SYNPR: variants seen among roughly 807,000 people sequenced by gnomAD.
SYNPR encodes the protein synaptoporin.
In SYNPR, 23 loss-of-function variants were observed where a neutral mutation model predicts 32.9. The observed-to-expected ratio is 0.70, with a 90% confidence interval of 0.50 to 0.99. The LOEUF is 0.99. Among genes scored for constraint, SYNPR ranks in the 50% least tolerant of loss-of-function variants. SYNPR has a pLI of 0.00. For synonymous variants in SYNPR, 146 were observed against 135.9 expected, an observed-to-expected ratio of 1.07 and a Z score of -0.52; for missense variants, 318 against 349.3, an observed-to-expected ratio of 0.91 and a Z score of 0.71.
At chr3:63,331,013 A>G (rs1039333969) in intron 2 of SYNPR, among the ~76,000 whole-genome samples, 1 of 152,226 alleles carries the variant, frequency 6.6e-6, no homozygotes, top group African/African-American at 2.4e-5. Context: ...TTGTACAGGT[A>G]ACTGAACTCT....
intron 3 of SYNPR, among the ~76,000 whole-genome samples, chr3:63,501,098 G>A (rs1419140937): frequency 1.3e-5 from 2 of 152,130 alleles, no homozygotes; most frequent in Admixed American, 1.3e-4. Context: ...CAAGAGTGAT[G>A]AGCATTATTA....
intron 5 of SYNPR, among the ~76,000 whole-genome samples, chr3:63,613,273 G>A (rs933491976): frequency 7.3e-5 from 11 of 151,692 alleles, no homozygotes; most frequent in African/African-American, 1.2e-4. Context: ...CCCTTTTAAC[G>A]GAAAATATTC....
At chr3:63,345,106 A>G (rs921297706) in intron 2 of SYNPR, among the ~76,000 whole-genome samples, 2 of 152,242 alleles carry the variant, frequency 1.3e-5, no homozygotes, top group Non-Finnish European at 2.9e-5. Context: ...GCGACTCTTG[A>G]GCAGTAAACA....
At chr3:63,592,941 C>T (rs568484005) in intron 4 of SYNPR, among the ~76,000 whole-genome samples, 1 of 152,132 alleles carries the variant, frequency 6.6e-6, no homozygotes, top group East Asian at 1.9e-4. Flanking sequence ...CCCCTTTTTA[C>T]AGTTGGAAAC....
At chr3:63,245,536 A>G (rs1404927152) in intron 1 of SYNPR, among the ~76,000 whole-genome samples, 1 of 152,008 alleles carries the variant, frequency 6.6e-6, no homozygotes, top group East Asian at 1.9e-4. Context: ...TAAATTTTAT[A>G]AACTGCCCTA....
chr3:63,575,976 T>C (rs979117225), intron 4 of SYNPR, among the ~76,000 whole-genome samples: 2 of 152,198 alleles, frequency 1.3e-5, no homozygotes, highest in African/African-American at 4.8e-5. Flanking sequence ...GATCCAAGTG[T>C]CATTTTTTTA....
intron 2 of SYNPR, among the ~76,000 whole-genome samples, chr3:63,475,761 C>T (rs1300501836): frequency 5.9e-5 from 9 of 152,130 alleles, no homozygotes. Flanking sequence ...CCTTAGCCTT[C>T]CAGGTCTCAC....
chr3:63,207,653 T>C, the SYNPR span, among the ~76,000 whole-genome samples: 1 of 152,150 alleles, frequency 6.6e-6, no homozygotes, highest in Non-Finnish European at 1.5e-5. Context: ...AACAGAACTC[T>C]TGAAAGTCAA....
upstream of SYNPR, among the ~76,000 whole-genome samples, chr3:63,276,950 T>C (rs1393717767): frequency 1.3e-5 from 2 of 150,916 alleles, no homozygotes; most frequent in African/African-American, 4.9e-5. Context: ...CAAACCTTTT[T>C]GGCAAATCTT....
intron 2 of SYNPR, among the ~76,000 whole-genome samples, chr3:63,434,950 A>G (rs564998589): frequency 2.6e-5 from 4 of 152,232 alleles, no homozygotes; most frequent in African/African-American, 7.2e-5. Context: ...CGGCAGAAAG[A>G]GTGAATCTAC....
intron 4 of SYNPR, among the ~76,000 whole-genome samples, chr3:63,577,990 T>C (rs1374921068): frequency 1.3e-5 from 2 of 152,164 alleles, no homozygotes; most frequent in South Asian, 2.1e-4. Context: ...CTAATCACAA[T>C]GTGAACTCTT....
At chr3:63,293,636 C>G (rs991958019) in intron 2 of SYNPR, among the ~76,000 whole-genome samples, 4 of 152,158 alleles carry the variant, frequency 2.6e-5, no homozygotes, top group Non-Finnish European at 5.9e-5. Context: ...ATTAAAGTGC[C>G]AGCAAGGTTG....
rs916764641 is a variant in SYNPR at position 63,523,185 on chromosome 3, C to G, written c.210-33358C>G. Among the ~76,000 whole-genome samples, 5 of 152,252 alleles carry G rather than the reference C, an allele frequency of 3.3e-5. No individual in the cohort carries two copies. The East Asian group carries it at 9.7e-4, about 30-fold the overall frequency. On this transcript the variant is annotated intron_variant, in intron 3 of 5. Coordinates refer to ENST00000478300, the MANE Select transcript of SYNPR (RefSeq NM_001130003.2). ...CCCTCTGAAAATGCCATCTCACTGA[C>G]TGAGCTGGAGGCTTGAGGGCAGAGT...
At chr3:63,411,807 C>A (rs1455136199) in intron 2 of SYNPR, among the ~76,000 whole-genome samples, 1 of 152,080 alleles carries the variant, frequency 6.6e-6, no homozygotes, top group African/African-American at 2.4e-5. Context: ...CATGCAGAGT[C>A]TTGAAGATCT....
intron 1 of SYNPR, among the ~76,000 whole-genome samples, chr3:63,250,891 A>G (rs1458074852): frequency 1.3e-5 from 2 of 152,180 alleles, no homozygotes; most frequent in African/African-American, 4.8e-5. Flanking sequence ...GTTACTCATT[A>G]TAAGTATTTT....
intron 2 of SYNPR, among the ~76,000 whole-genome samples, chr3:63,265,426 A>G (rs1472472571): frequency 6.6e-6 from 1 of 151,664 alleles, no homozygotes; most frequent in Non-Finnish European, 1.5e-5. Context: ...TAATTTTTGT[A>G]TTTTTAGTAG....
At chr3:63,338,831 T>A (rs1398313097) in intron 2 of SYNPR, among the ~76,000 whole-genome samples, 1 of 152,216 alleles carries the variant, frequency 6.6e-6, no homozygotes, top group Admixed American at 6.5e-5. Flanking sequence ...AATCCAGCAA[T>A]CCCAACACAT....
intron 4 of SYNPR, among the ~76,000 whole-genome samples, chr3:63,585,246 G>A (rs1220203108): frequency 2.0e-5 from 3 of 152,040 alleles, no homozygotes; most frequent in African/African-American, 7.2e-5. Context: ...CATAAGCTTT[G>A]ATTCAATTAC....
At chr3:63,227,626 G>C (rs147259765), upstream of SYNPR, among the ~76,000 whole-genome samples, 1 of 152,144 alleles carries the variant, frequency 6.6e-6, no homozygotes. Context: ...TTGGCATGTA[G>C]GCTTTGTCCT....
Sources: gnomAD v4.1 joint callset for allele counts (sites outside exome capture counted in the v4.1 genomes callset) on GRCh38, gnomAD v4.1.1 for gene constraint, MANE v1.5 for transcripts, NCBI Gene and HGNC (gene_info 2026-07-23, HGNC 2026-07-21) for gene names.